Variants in PDLIM1 observed in about 807,000 individuals in gnomAD.
PDLIM1 encodes PDZ and LIM domain 1, also known as PDZ and LIM domain protein 1.
In PDLIM1, 25 loss-of-function variants were observed where a neutral mutation model predicts 35.2. The ratio of observed to expected loss-of-function variants is 0.71; its 90% CI spans 0.52 to 0.99. PDLIM1 has a LOEUF of 0.99. Among genes scored for constraint, PDLIM1 ranks in the 50% least tolerant of loss-of-function variants. PDLIM1 has a pLI of 0.00. For missense variants in PDLIM1, 363 were observed against 415.3 expected, an observed-to-expected ratio of 0.87 and a Z score of 1.09; for synonymous variants, 152 against 154.0, an observed-to-expected ratio of 0.99 and a Z score of 0.10.
chr10:95,263,884 C>G lies in PDLIM1; in HGVS notation c.513G>C (p.Gly171=). The G allele has an allele frequency of 1.2e-6, 2 of 1,613,148 alleles. No individual in the cohort carries two copies. The highest frequency in any genetic ancestry group is 1.7e-6 in the Non-Finnish European group (2 of 1,179,584). The change falls in exon 4 of 7, where the codon GGG becomes GGC. Residue 171 remains glycine, a synonymous_variant. Coordinates refer to ENST00000329399, the MANE Select transcript of PDLIM1 (RefSeq NM_020992.4). ...CTTACGGTCTGCTGTTCGCCTCCAC[C>G]CCGCTGGCAGCAGTCTTTGACTCCA... is the stretch of plus-strand genomic sequence containing the variant. ...NALESKTAAS[G]VEANSRPLDH...
At chr10:95,264,167 A>G in intron 3 of PDLIM1, 104 bp from the exon 4 acceptor site, 1 of 938,706 alleles carries the variant, frequency 1.1e-6, no homozygotes, top group South Asian at 1.5e-5. Context: ...AGCTGCTAAG[A>G]TGGCCCTAGT....
intron 5 of PDLIM1, among the ~76,000 whole-genome samples, chr10:95,242,697 C>A (rs1395117498): frequency 6.6e-6 from 1 of 151,550 alleles, no homozygotes; most frequent in Admixed American, 6.6e-5. Flanking sequence ...AAAAAAAATT[C>A]TGCCCTCAAA....
chr10:95,274,451 C>A (rs955871254), intron 1 of PDLIM1, among the ~76,000 whole-genome samples: 2 of 151,996 alleles, frequency 1.3e-5, no homozygotes, highest in Non-Finnish European at 2.9e-5. Flanking sequence ...CACCACCATG[C>A]CCAGCTAATT....
intron 1 of PDLIM1, among the ~76,000 whole-genome samples, chr10:95,275,679 T>C (rs2035504451): frequency 1.3e-5 from 2 of 152,264 alleles, no homozygotes; most frequent in African/African-American, 4.8e-5. Flanking sequence ...ACTGGAGAGG[T>C]TGAGAAGATG....
intron 1 of PDLIM1, among the ~76,000 whole-genome samples, chr10:95,282,251 G>T (rs2035567333): frequency 6.6e-6 from 1 of 152,190 alleles, no homozygotes; most frequent in East Asian, 1.9e-4. Context: ...CCATTTACAT[G>T]TGGAATTTGA....
At chr10:95,269,219 G>A (rs1412330055) in intron 2 of PDLIM1, among the ~76,000 whole-genome samples, 2 of 152,218 alleles carry the variant, frequency 1.3e-5, no homozygotes, top group African/African-American at 2.4e-5. Context: ...TCAACCCAGT[G>A]TGTTTGGTCC....
chr10:95,287,266 G>T (rs953900274), intron 1 of PDLIM1, among the ~76,000 whole-genome samples: 1 of 152,114 alleles, frequency 6.6e-6, no homozygotes, highest in Non-Finnish European at 1.5e-5. Flanking sequence ...GACATTTCCT[G>T]CTTTTCATAA....
chr10:95,265,890 G>A (rs992775582), intron 3 of PDLIM1, among the ~76,000 whole-genome samples: 1 of 152,054 alleles, frequency 6.6e-6, no homozygotes, highest in African/African-American at 2.4e-5. Context: ...GACAGAGCTA[G>A]ACTCTCATCC....
At chr10:95,276,896 T>TAA (rs61442624) in intron 1 of PDLIM1, among the ~76,000 whole-genome samples, 1,085 of 68,874 alleles carry the variant, frequency 0.016, 69 homozygotes, top group African/African-American at 0.043. Flanking sequence ...TTCAGTTTCC[T>TAA]AAAAAAAAAA....
intron 4 of PDLIM1, among the ~76,000 whole-genome samples, chr10:95,259,341 C>T (rs982740330): frequency 6.6e-6 from 1 of 152,108 alleles, no homozygotes; most frequent in African/African-American, 2.4e-5. Flanking sequence ...TAGAGGAATA[C>T]TTGTTTTTTA....
At chr10:95,245,885 T>A (rs917783383) in intron 5 of PDLIM1, among the ~76,000 whole-genome samples, 2 of 152,126 alleles carry the variant, frequency 1.3e-5, no homozygotes, top group African/African-American at 2.4e-5. Flanking sequence ...CAGAAAGGGC[T>A]CCCCAGGAAG....
chr10:95,251,234 C>CA (rs2035265096), intron 4 of PDLIM1, among the ~76,000 whole-genome samples: 1 of 143,118 alleles, frequency 7.0e-6, no homozygotes. Context: ...ATATAAGGGG[C>CA]TTTTTTTTTT....
At chr10:95,272,586 C>T (rs2035475237) in intron 1 of PDLIM1, among the ~76,000 whole-genome samples, 1 of 151,956 alleles carries the variant, frequency 6.6e-6, no homozygotes, top group African/African-American at 2.4e-5. Flanking sequence ...ATCACTTGAA[C>T]CCAGAAGGTG....
At chr10:95,250,392 A>G (rs1012541315) in intron 4 of PDLIM1, among the ~76,000 whole-genome samples, 1 of 152,080 alleles carries the variant, frequency 6.6e-6, no homozygotes, top group African/African-American at 2.4e-5. Flanking sequence ...TCAAATAATG[A>G]TAGTATCTTT....
chr10:95,265,870 C>G (rs1160713485), intron 3 of PDLIM1, among the ~76,000 whole-genome samples: 2 of 152,144 alleles, frequency 1.3e-5, no homozygotes, highest in African/African-American at 4.8e-5. Flanking sequence ...CACTGCACAT[C>G]AGCCTGGGTG....
chr10:95,263,546 G>A (rs2035384590), intron 4 of PDLIM1, among the ~76,000 whole-genome samples: 1 of 152,220 alleles, frequency 6.6e-6, no homozygotes, highest in South Asian at 2.1e-4. Context: ...GTCAAGGAAG[G>A]ACTATGTTCA....
At chr10:95,276,411 C>A (rs1295179648) in intron 1 of PDLIM1, among the ~76,000 whole-genome samples, 1 of 152,192 alleles carries the variant, frequency 6.6e-6, no homozygotes, top group East Asian at 1.9e-4. Context: ...GACAGTCACT[C>A]CCCTGCCCTG....
chr10:95,259,589 G>A (rs2065661036), intron 4 of PDLIM1, among the ~76,000 whole-genome samples: 1 of 152,188 alleles, frequency 6.6e-6, no homozygotes, highest in African/African-American at 2.4e-5. Flanking sequence ...GTGGGCACCA[G>A]GAGAAGAGAG....
intron 1 of PDLIM1, among the ~76,000 whole-genome samples, chr10:95,282,896 A>G (rs1393953970): frequency 6.6e-6 from 1 of 152,226 alleles, no homozygotes; most frequent in African/African-American, 2.4e-5. Flanking sequence ...ATGAGCCGAG[A>G]TCATGCCACT....
Sources: allele counts gnomAD v4.1 joint callset (sites outside exome capture counted in the v4.1 genomes callset), GRCh38; gene constraint gnomAD v4.1.1; transcripts MANE v1.5; gene names NCBI Gene and HGNC (gene_info 2026-07-23, HGNC 2026-07-21).